HBB: variants seen among roughly 807,000 people sequenced by gnomAD.
HBB encodes hemoglobin subunit beta, also known as Hb Monza protein.
HBB carries 18 observed loss-of-function variants against 9.7 expected under a neutral mutation model. That is an observed-to-expected ratio of 1.86 (90% CI 1.28 to 2.76). The LOEUF is 2.76. Ranked by LOEUF, HBB falls within the 30% of genes most tolerant of loss-of-function variation. HBB has a pLI of 0.00. For synonymous variants in HBB, 99 were observed against 73.6 expected (o/e 1.35, Z -1.77); for missense variants, 156 against 177.0 (o/e 0.88, Z 0.67).
rs528009939 is a variant in HBB, at chr11:5,225,469, A to G, written c.*129T>C. The G allele has an allele frequency of 6.8e-6, 6 of 879,908 alleles. No homozygotes were observed. The highest frequency in any genetic ancestry group is 3.6e-5 in the Admixed American group (2 of 55,236). The allele number at this position is 879,908 out of a possible 1,614,324, so 54.5% of individuals were successfully genotyped here. On this transcript the variant is annotated 3_prime_UTR_variant, in exon 3 of 3. Transcript: ENST00000335295. ...GAAATAATTTAAATACATCATTGCA[A>G]TGAAAATAAATGTTTTTTATTAGGC...
rs35747961 is a variant in HBB at position 5,226,694 on chromosome 11, C to G, written c.198G>C (p.Lys66Asn). ...MGNPKVKAHG[K>N]KVLGAFSDGL... ...CATCACTAAAGGCACCGAGCACTTT[C>G]TTGCCATGAGCCTTCACCTTAGGGT... is the stretch of plus-strand genomic sequence containing the variant. Residue 66 changes from lysine to asparagine, a missense_variant, in exon 2 of 3, where the codon AAG becomes AAC. Transcript: ENST00000335295. The G allele has an allele frequency of 1.2e-6, 2 of 1,614,112 alleles. No homozygotes were observed. Among genetic ancestry groups the G allele is most frequent in the Non-Finnish European group, 1.7e-6 (2 of 1,180,016 alleles).
chr11:5,226,452 A>G lies in HBB; in HGVS notation c.315+125T>C, dbSNP rs1053188095. 1.0e-5 allele frequency: 9 copies of G among 857,480 alleles called. No individual in the cohort carries two copies. In the Admixed American group the frequency reaches 1.2e-4, roughly 11 times the overall value. 53.1% of individuals were successfully genotyped at this position (857,480 alleles called of 1,614,324 possible). On this transcript the variant is annotated intron_variant, in intron 2 of 2. Transcript: ENST00000335295. ...ACTAAAACGATCCTGAGACTTCCAC[A>G]CTGATGCAATCATTCGTCTGTTTCC...
rs35819837 is a variant in HBB at position 5,226,632 on chromosome 11, G to A, written c.260C>T (p.Ala87Val). Reference protein sequence around the residue: ...AHLDNLKGTFATLSELHCDKL... With the variant: ...AHLDNLKGTFVTLSELHCDKL... The stretch of plus-strand genomic sequence containing the variant: ...GTCACAGTGCAGCTCACTCAGTGTG[G>A]CAAAGGTGCCCTTGAGGTTGTCCAG... The change falls in exon 2 of 3, where the codon GCC (alanine) becomes GTC (valine). Residue 87 changes from alanine (A) to valine (V), a missense_variant. Physicochemically the swap from Ala to Val is moderately conservative, Grantham distance 64. Coordinates refer to ENST00000335295, the MANE Select transcript of HBB (RefSeq NM_000518.5). 1.9e-6 allele frequency: 3 copies of A among 1,614,136 alleles called. No homozygotes were observed. The highest frequency in any genetic ancestry group is 2.5e-6 in the Non-Finnish European group (3 of 1,180,008).
At position 5,226,070 on chromosome 11, in the gene HBB, T is replaced by G. The variant is rs1847539891; in HGVS notation, c.316-344A>C. Among the ~76,000 whole-genome samples the G allele has an allele frequency of 6.6e-6, 1 of 152,112 alleles. No homozygotes were observed. The highest frequency in any genetic ancestry group is 1.5e-5 in the Non-Finnish European group (1 of 68,020). On this transcript the variant is annotated intron_variant, in intron 2 of 2. Transcript: ENST00000335295. The stretch of plus-strand genomic sequence containing the variant: ...AAGTATATTAAAAGAAGAAAGCATT[T>G]TTTAAAATTACAAATGCAAAATTAC...
rs34831026 is a variant in HBB, at chr11:5,226,770, C to T, written c.122G>A (p.Arg41Lys). The T allele has an allele frequency of 2.1e-5, 34 of 1,614,020 alleles. No individual in the cohort carries two copies. The highest frequency in any genetic ancestry group is 2.7e-5 in the Non-Finnish European group (32 of 1,180,020). ...CAGATCCCCAAAGGACTCAAAGAAC[C>T]TCTGGGTCCAAGGGTAGACCACCAG... ...RLLVVYPWTQRFFESFGDLST... is the reference protein window; with the variant it reads ...RLLVVYPWTQKFFESFGDLST... The change falls in exon 2 of 3, where the codon AGG becomes AAG. Residue 41 changes from arginine (R) to lysine (K), a missense_variant. By Grantham distance (26) the Arg-to-Lys change is conservative (BLOSUM62 2). Transcript: ENST00000335295.
Position 5,227,053 on chromosome 11 carries a change from T to G in HBB, c.-32A>C. 2.8e-6 allele frequency: 4 copies of G among 1,422,132 alleles called. No individual in the cohort carries two copies. The South Asian group carries it at 4.5e-5, about 16-fold the overall frequency. The allele number at this position is 1,422,132 out of a possible 1,614,324, so 88.1% of individuals were successfully genotyped here. A position where few individuals can be genotyped will look rare whatever the true frequency, so the allele number is the denominator to read the frequency against. Reference sequence around the variant, plus strand: ...TGTTTGAGGTTGCTAGTGAACACAGTTGTGTCAGAAGCAAATGTAAGCAAT... The same window carrying G: ...TGTTTGAGGTTGCTAGTGAACACAGGTGTGTCAGAAGCAAATGTAAGCAAT... On this transcript the variant is annotated 5_prime_UTR_variant, in exon 1 of 3. Coordinates refer to ENST00000335295, the MANE Select transcript of HBB (RefSeq NM_000518.5).
At position 5,226,397 on chromosome 11, in the gene HBB, A is replaced by G. The variant is rs529931134; in HGVS notation, c.315+180T>C. ...AGAAAGCAAGAATTAAACAAAAGAA[A>G]ACAATTGTTATGAACAGCAAATAAA... On this transcript the variant is annotated intron_variant, in intron 2 of 2. Coordinates refer to ENST00000335295, the MANE Select transcript of HBB (RefSeq NM_000518.5). 50 of 648,990 alleles carry G rather than the reference A, an allele frequency of 7.7e-5. No individual in the cohort carries two copies. In the East Asian group the frequency reaches 1.3e-3, roughly 17 times the overall value. 40.2% of individuals were successfully genotyped at this position (648,990 alleles called of 1,614,324 possible). A position where few individuals can be genotyped will look rare whatever the true frequency, so the allele number is the denominator to read the frequency against.
At position 5,226,263 on chromosome 11, in the gene HBB, G is replaced by A. The variant is rs1847543579; in HGVS notation, c.315+314C>T. The A allele has an allele frequency of 3.8e-6, 2 of 526,880 alleles. No homozygotes were observed. Among genetic ancestry groups the A allele is most frequent in the South Asian group, 4.7e-5 (2 of 42,978 alleles). The allele number at this position is 526,880 out of a possible 1,614,324, so 32.6% of individuals were successfully genotyped here. A position where few individuals can be genotyped will look rare whatever the true frequency, so the allele number is the denominator to read the frequency against. ...AATAGTAATGTACTAGGCAGACTGTGTAAAGTTTTTTTTTAAGTTACTTAA... is the reference window on the plus strand; with the variant it reads ...AATAGTAATGTACTAGGCAGACTGTATAAAGTTTTTTTTTAAGTTACTTAA... On this transcript the variant is annotated intron_variant, in intron 2 of 2. Coordinates refer to ENST00000335295, the MANE Select transcript of HBB (RefSeq NM_000518.5).
rs749118003 is a variant in HBB, at chr11:5,226,700, A to G, written c.192T>C (p.His64=). ...AVMGNPKVKA[H]GKKVLGAFSD... ...TAAAGGCACCGAGCACTTTCTTGCC[A>G]TGAGCCTTCACCTTAGGGTTGCCCA... The change falls in exon 2 of 3, where the codon CAT becomes CAC. Residue 64 remains histidine, a synonymous_variant. Coordinates refer to ENST00000335295, the MANE Select transcript of HBB (RefSeq NM_000518.5). The G allele has an allele frequency of 1.2e-6, 2 of 1,614,116 alleles. No individual in the cohort carries two copies. Among genetic ancestry groups the G allele is most frequent in the Non-Finnish European group, 1.7e-6 (2 of 1,180,014 alleles).
In HBB at chr11:5,226,704, G is replaced by A. The variant is rs34151786; in HGVS notation, c.188C>T (p.Ala63Val). The A allele has an allele frequency of 1.9e-6, 3 of 1,614,006 alleles. No homozygotes were observed. Among genetic ancestry groups the A allele is most frequent in the East Asian group, 4.5e-5 (2 of 44,880 alleles). ...DAVMGNPKVK[A>V]HGKKVLGAFS... ...GGCACCGAGCACTTTCTTGCCATGAGCCTTCACCTTAGGGTTGCCCATAAC... is the reference window on the plus strand; with the variant it reads ...GGCACCGAGCACTTTCTTGCCATGAACCTTCACCTTAGGGTTGCCCATAAC... The change falls in exon 2 of 3, where the codon GCT becomes GTT. Residue 63 changes from alanine to valine, a missense_variant. By Grantham distance (64) the Ala-to-Val change is moderately conservative (BLOSUM62 0). Transcript: ENST00000335295.
chr11:5,227,051 A>G lies in HBB; in HGVS notation c.-30T>C. The stretch of plus-strand genomic sequence containing the variant: ...TCTGTTTGAGGTTGCTAGTGAACAC[A>G]GTTGTGTCAGAAGCAAATGTAAGCA... On this transcript the variant is annotated 5_prime_UTR_variant, in exon 1 of 3. Coordinates refer to ENST00000335295, the MANE Select transcript of HBB (RefSeq NM_000518.5). 1 of 1,428,504 alleles carries G rather than the reference A, an allele frequency of 7.0e-7. No individual in the cohort carries two copies. Among genetic ancestry groups the G allele is most frequent in the Non-Finnish European group, 9.9e-7 (1 of 1,009,762 alleles). 88.5% of individuals were successfully genotyped at this position (1,428,504 alleles called of 1,614,324 possible). A position where few individuals can be genotyped will look rare whatever the true frequency, so the allele number is the denominator to read the frequency against.
rs33914944 is a variant in HBB at position 5,226,577 on chromosome 11, C to A, written c.315G>T (p.Arg105Ser). ...AACATCAAGCGTCCCATAGACTCAC[C>A]CTGAAGTTCTCAGGATCCACGTGCA... ...DKLHVDPENF[R>S]LLGNVLVCVL... is the part of the protein sequence containing the mutation. The change falls in exon 2 of 3, where the codon AGG becomes AGT. Residue 105 changes from arginine to serine, a missense_variant and splice_region_variant. Arg to Ser is a moderately radical substitution (Grantham distance 110). Coordinates refer to ENST00000335295, the MANE Select transcript of HBB (RefSeq NM_000518.5). 6.2e-7 allele frequency: 1 copy of A among 1,613,910 alleles called. No homozygotes were observed. The highest frequency in any genetic ancestry group is 8.5e-7 in the Non-Finnish European group (1 of 1,179,888).
At position 5,225,486 on chromosome 11, in the gene HBB, T is replaced by A. The variant is rs63750954; in HGVS notation, c.*112A>T. 1 of 1,012,112 alleles carries A rather than the reference T, an allele frequency of 9.9e-7. No homozygotes were observed. The highest frequency in any genetic ancestry group is 1.6e-5 in the African/African-American group (1 of 63,030). 62.7% of individuals were successfully genotyped at this position (1,012,112 alleles called of 1,614,324 possible). A position where few individuals can be genotyped will look rare whatever the true frequency, so the allele number is the denominator to read the frequency against. Reference sequence around the variant, plus strand: ...TCATTGCAATGAAAATAAATGTTTTTTATTAGGCAGAATCCAGATGCTCAA... The same window carrying A: ...TCATTGCAATGAAAATAAATGTTTTATATTAGGCAGAATCCAGATGCTCAA... On this transcript the variant is annotated 3_prime_UTR_variant, in exon 3 of 3. Coordinates refer to ENST00000335295, the MANE Select transcript of HBB (RefSeq NM_000518.5).
At position 5,226,908 on chromosome 11, in the gene HBB, G is replaced by A. The variant is rs1232883523; in HGVS notation, c.92+22C>T. Reference sequence around the variant, plus strand: ...AGTTTCTATTGGTCTCCTTAAACCTGTCTTGTAACCTTGATACCAACCTGC... The same window carrying A: ...AGTTTCTATTGGTCTCCTTAAACCTATCTTGTAACCTTGATACCAACCTGC... On this transcript the variant is annotated intron_variant, in intron 1 of 2. Coordinates refer to ENST00000335295, the MANE Select transcript of HBB (RefSeq NM_000518.5). 2 of 1,606,258 alleles carry A rather than the reference G, an allele frequency of 1.2e-6. No individual in the cohort carries two copies. Among genetic ancestry groups the A allele is most frequent in the East Asian group, 2.2e-5 (1 of 44,834 alleles).
rs762957058 is a variant in HBB at position 5,225,776 on chromosome 11, C to G, written c.316-50G>C. Reference sequence around the variant, plus strand: ...GAACATGATTAGCAAAAGGGCCTAGCTTGGACTCAGAATAATCCAGCCTTA... The same window carrying G: ...GAACATGATTAGCAAAAGGGCCTAGGTTGGACTCAGAATAATCCAGCCTTA... On this transcript the variant is annotated intron_variant, in intron 2 of 2. Transcript: ENST00000335295. 2 of 1,604,342 alleles carry G rather than the reference C, an allele frequency of 1.2e-6. No homozygotes were observed. Among genetic ancestry groups the G allele is most frequent in the East Asian group, 2.2e-5 (1 of 44,820 alleles).
In HBB at chr11:5,226,898, C is replaced by T. The variant is rs369168168; in HGVS notation, c.92+32G>A. On this transcript the variant is annotated intron_variant, in intron 1 of 2. Transcript: ENST00000335295. ...CCACATGCCCAGTTTCTATTGGTCT[C>T]CTTAAACCTGTCTTGTAACCTTGAT... 1.9e-6 allele frequency: 3 copies of T among 1,600,664 alleles called. No homozygotes were observed. Among genetic ancestry groups the T allele is most frequent in the Non-Finnish European group, 1.7e-6 (2 of 1,167,770 alleles).
At position 5,225,478 on chromosome 11, in the gene HBB, A is replaced by T; in HGVS notation, c.*120T>A. 2.1e-6 allele frequency: 2 copies of T among 932,758 alleles called. No individual in the cohort carries two copies. Among genetic ancestry groups the T allele is most frequent in the South Asian group, 2.7e-5 (2 of 75,434 alleles). 57.8% of individuals were successfully genotyped at this position (932,758 alleles called of 1,614,324 possible). ...TAAATACATCATTGCAATGAAAATA[A>T]ATGTTTTTTATTAGGCAGAATCCAG... is the stretch of plus-strand genomic sequence containing the variant. On this transcript the variant is annotated 3_prime_UTR_variant, in exon 3 of 3. Transcript: ENST00000335295.
rs373538213 is a variant in HBB at position 5,226,845 on chromosome 11, A to G, written c.93-46T>C. On this transcript the variant is annotated intron_variant, in intron 1 of 2. Transcript: ENST00000335295. ...CAATAGGCAGAGAGAGTCAGTGCCT[A>G]TCAGAAACCCAAGAGTCTTCTCTGT... The G allele has an allele frequency of 4.2e-5, 67 of 1,598,760 alleles. No homozygotes were observed. The highest frequency in any genetic ancestry group is 5.4e-5 in the Non-Finnish European group (63 of 1,166,232).
chr11:5,226,376 A>G, intron 2 of HBB: 1 of 621,228 alleles, frequency 1.6e-6, no homozygotes, highest in Non-Finnish European at 2.8e-6. Context: ...AAAAAAAGAA[A>G]GCAAGAATTA....
Sources: allele counts gnomAD v4.1 joint callset (sites outside exome capture counted in the v4.1 genomes callset), GRCh38; gene constraint gnomAD v4.1.1; transcripts MANE v1.5; gene names NCBI Gene and HGNC (gene_info 2026-07-23, HGNC 2026-07-21).